TUB: variants seen among roughly 807,000 people sequenced by gnomAD.
TUB encodes tubby protein homolog.
In TUB, 33 loss-of-function variants were observed where a neutral mutation model predicts 59.7. The observed-to-expected ratio is 0.55, with a 90% CI of 0.42 to 0.74. The LOEUF (loss-of-function observed/expected upper bound fraction) is 0.74. Ranked by LOEUF, TUB falls within the 30% of genes least tolerant of loss-of-function variation. TUB has a pLI of 0.00. For missense variants in TUB, 659 were observed against 672.0 expected (o/e 0.98, Z 0.21); for synonymous variants, 293 against 256.4 (o/e 1.14, Z -1.36).
At chr11:8,093,982 T>A in intron 3 of TUB, 64 bp from the exon 4 acceptor site, 1 of 1,603,016 alleles carries the variant, frequency 6.2e-7, no homozygotes, top group South Asian at 1.1e-5. Context: ...TGTGTTCAGG[T>A]GGGAGCTCTG....
chr11:8,082,997 A>G (rs1943598943), intron 1 of TUB, among the ~76,000 whole-genome samples: 2 of 152,330 alleles, frequency 1.3e-5, no homozygotes, highest in Admixed American at 6.5e-5. Flanking sequence ...AGCTGTTTCC[A>G]TCATGGAACC....
At chr11:8,090,376 A>AG in intron 3 of TUB, 145 bp downstream of exon 3, 1 of 1,197,700 alleles carries the variant, frequency 8.3e-7, no homozygotes, top group South Asian at 1.6e-5. Flanking sequence ...CTGAGTAGGG[A>AG]GGGCAGAGGG....
upstream of TUB, among the ~76,000 whole-genome samples, chr11:8,036,237 G>A (rs1209024187): frequency 6.6e-6 from 1 of 152,098 alleles, no homozygotes; most frequent in African/African-American, 2.4e-5. Flanking sequence ...TGTATCAGAA[G>A]CACCTCTGCC....
intron 1 of TUB, among the ~76,000 whole-genome samples, chr11:8,019,872 G>A (rs1942395138): frequency 6.6e-6 from 1 of 152,222 alleles, no homozygotes; most frequent in South Asian, 2.1e-4. Flanking sequence ...TGCCTGTTCC[G>A]CGGGGCGAGA....
chr11:8,095,743 G>A (rs1943963719), intron 5 of TUB, 78 bp downstream of exon 5: 2 of 1,456,444 alleles, frequency 1.4e-6, no homozygotes, highest in South Asian at 2.7e-5. Flanking sequence ...TGGGAGCATG[G>A]CCTTCCTGTG....
upstream of TUB, among the ~76,000 whole-genome samples, chr11:8,037,021 G>A (rs369874330): frequency 6.6e-6 from 1 of 152,208 alleles, no homozygotes; most frequent in South Asian, 2.1e-4. Flanking sequence ...GCTTTGAGAT[G>A]TCCTTTTACT....
chr11:8,061,597 C>T (rs557282039), intron 2 of TUB, among the ~76,000 whole-genome samples: 71 of 152,068 alleles, frequency 4.7e-4, no homozygotes, highest in Non-Finnish European at 8.1e-4. Context: ...CGAGGACAGT[C>T]GGCTCAGAGG....
upstream of TUB, among the ~76,000 whole-genome samples, chr11:8,080,832 C>G (rs1943537562): frequency 6.6e-6 from 1 of 152,212 alleles, no homozygotes. Flanking sequence ...CGGAGGTTCC[C>G]CCGCCTCTTC....
chr11:8,097,051 T>C (rs530148627), intron 6 of TUB, among the ~76,000 whole-genome samples, 177 bp from the exon 7 acceptor site: 1 of 152,260 alleles, frequency 6.6e-6, no homozygotes, highest in Admixed American at 6.5e-5. Flanking sequence ...CTAGGAACTG[T>C]TGAGGGCAGG....
At chr11:8,096,330 T>C (rs1031060224) in intron 5 of TUB, among the ~76,000 whole-genome samples, 3 of 152,134 alleles carry the variant, frequency 2.0e-5, no homozygotes, top group Admixed American at 6.5e-5. Flanking sequence ...AGATTCCCAG[T>C]TCAAGGTGAG....
intron 2 of TUB, among the ~76,000 whole-genome samples, chr11:8,064,667 C>A (rs1943202504): frequency 6.6e-6 from 1 of 151,994 alleles, no homozygotes. Context: ...CTCAGTGATA[C>A]CAGGAACTCA....
intron 2 of TUB, among the ~76,000 whole-genome samples, chr11:8,072,606 G>A (rs1292696955): frequency 1.3e-5 from 2 of 152,196 alleles, no homozygotes; most frequent in Non-Finnish European, 2.9e-5. Flanking sequence ...TCCCATCTCC[G>A]TGGTGCTTTG....
chr11:8,044,449 C>T (rs1008127251), intron 2 of TUB, among the ~76,000 whole-genome samples: 7 of 152,088 alleles, frequency 4.6e-5, no homozygotes, highest in Non-Finnish European at 7.4e-5. Context: ...ATCTTTTTTA[C>T]GTGGAGTGAG....
rs191273787 is a variant in TUB, at chr11:8,094,116, G to A, written c.324G>A (p.Lys108=). 117 of 1,614,212 alleles carry A rather than the reference G, an allele frequency of 7.2e-5. 1 individual carries two copies. In the East Asian group the frequency reaches 8.0e-4, roughly 11 times the overall value. Residue 108 remains lysine (K), a synonymous_variant, in exon 4 of 12, where the codon AAG becomes AAA. Transcript: ENST00000299506. ...GCCCAACAGCACCAGCTTCAGCCAA[G>A]AGAACCAAGGCGGCAGCTACAGCAG... ...ATRPTAPASA[K]RTKAAATAGG...
intron 2 of TUB, among the ~76,000 whole-genome samples, chr11:8,046,914 C>T (rs1238891074): frequency 6.6e-6 from 1 of 152,170 alleles, no homozygotes; most frequent in Non-Finnish European, 1.5e-5. Context: ...AGCTGCTTCA[C>T]TTTTTTAAAA....
intron 2 of TUB, among the ~76,000 whole-genome samples, chr11:8,046,075 A>T (rs544867397): frequency 2.0e-5 from 3 of 151,172 alleles, no homozygotes; most frequent in Non-Finnish European, 4.4e-5. Context: ...TTTGTGCGTT[A>T]TCTCCCTCCC....
intron 2 of TUB, among the ~76,000 whole-genome samples, chr11:8,071,712 G>A (rs2133796800): frequency 6.6e-6 from 1 of 152,294 alleles, no homozygotes; most frequent in Non-Finnish European, 1.5e-5. Flanking sequence ...GCAGATATGG[G>A]GAGCCACAGC....
chr11:8,094,253 G>A, intron 4 of TUB, 64 bp downstream of exon 4: 1 of 1,522,432 alleles, frequency 6.6e-7, no homozygotes, highest in South Asian at 1.3e-5. Flanking sequence ...GCTGGGGAAG[G>A]TTTGTCCTCC....
At chr11:8,071,082 C>T (rs1943351829) in intron 2 of TUB, among the ~76,000 whole-genome samples, 1 of 152,148 alleles carries the variant, frequency 6.6e-6, no homozygotes, top group African/African-American at 2.4e-5. Context: ...TGGTTCATGG[C>T]AGAGCACATT....
Sources: gnomAD v4.1 joint callset for allele counts (sites outside exome capture counted in the v4.1 genomes callset) on GRCh38, gnomAD v4.1.1 for gene constraint, MANE v1.5 for transcripts, NCBI Gene and HGNC (gene_info 2026-07-23, HGNC 2026-07-21) for gene names.